Variants in RETREG1 observed in about 807,000 individuals in gnomAD.
RETREG1 encodes family with sequence similarity 134 member B.
RETREG1 carries 44 observed loss-of-function variants against 54.8 expected under a neutral mutation model. That is an observed-to-expected ratio of 0.80 (90% CI 0.63 to 1.03). The LOEUF (loss-of-function observed/expected upper bound fraction) is 1.03, where lower values mean the gene tolerates loss of function less well. RETREG1 is among the 50% of genes least tolerant of loss of function. The pLI, the probability that RETREG1 is intolerant of heterozygous loss-of-function variation, is 0.00. For missense variants in RETREG1, 554 were observed against 605.1 expected, an observed-to-expected ratio of 0.92 and a Z score of 0.89; for synonymous variants, 217 against 238.5, an observed-to-expected ratio of 0.91 and a Z score of 0.83.
chr5:16,592,717 T>TA (rs3993837), intron 1 of RETREG1, among the ~76,000 whole-genome samples: 3,598 of 149,254 alleles, frequency 0.024, 68 homozygotes, highest in Non-Finnish European at 0.036. Context: ...TATGCAGCCA[T>TA]AAAAAAAAAA....
intron 1 of RETREG1, among the ~76,000 whole-genome samples, chr5:16,579,131 A>C (rs1427619897): frequency 6.6e-6 from 1 of 152,228 alleles, no homozygotes; most frequent in Non-Finnish European, 1.5e-5. Flanking sequence ...CTGAGGCACA[A>C]GTTATGAATT....
At chr5:16,613,014 T>G (rs1228626557) in intron 1 of RETREG1, among the ~76,000 whole-genome samples, 1 of 152,228 alleles carries the variant, frequency 6.6e-6, no homozygotes, top group South Asian at 2.1e-4. Context: ...ATTTTCATTG[T>G]TATATGGTAT....
chr5:16,553,307 G>A (rs373521428), intron 3 of RETREG1, among the ~76,000 whole-genome samples: 6 of 127,290 alleles, frequency 4.7e-5, no homozygotes, highest in African/African-American at 1.9e-4. Context: ...CAACACAACT[G>A]ATCTTTTTAA....
intron 1 of RETREG1, among the ~76,000 whole-genome samples, chr5:16,615,664 G>C (rs958903635): frequency 6.6e-6 from 1 of 152,126 alleles, no homozygotes; most frequent in Non-Finnish European, 1.5e-5. Flanking sequence ...CTAGTTTTAA[G>C]AGAAAACACC....
chr5:16,521,512 T>C (rs1384348601), intron 3 of RETREG1, among the ~76,000 whole-genome samples: 1 of 152,212 alleles, frequency 6.6e-6, no homozygotes, highest in South Asian at 2.1e-4. Flanking sequence ...CAAATCATCA[T>C]AGCAGCAAAA....
intron 3 of RETREG1, among the ~76,000 whole-genome samples, chr5:16,504,076 C>T (rs191362563): frequency 6.6e-6 from 1 of 152,134 alleles, no homozygotes; most frequent in Non-Finnish European, 1.5e-5. Flanking sequence ...CCCCAACAGG[C>T]CCCAGTATTG....
chr5:16,508,201 A>G (rs971933117), intron 3 of RETREG1, among the ~76,000 whole-genome samples: 24 of 152,264 alleles, frequency 1.6e-4, no homozygotes, highest in African/African-American at 5.8e-4. Context: ...AATCTTTAAA[A>G]TGCAATAGGT....
chr5:16,475,259 A>T, intron 8 of RETREG1, 25 bp from the exon 9 acceptor site: 1 of 1,606,746 alleles, frequency 6.2e-7, no homozygotes, highest in Non-Finnish European at 8.5e-7. Flanking sequence ...ACAGAAGTTC[A>T]GACTGAAGCA....
chr5:16,564,838 C>T (rs189408284), intron 3 of RETREG1, among the ~76,000 whole-genome samples: 126 of 152,332 alleles, frequency 8.3e-4, no homozygotes, highest in African/African-American at 2.8e-3. Context: ...ACCTTTCCAG[C>T]TGAAATAAGC....
chr5:16,503,498 C>G (rs1365826948), intron 3 of RETREG1, among the ~76,000 whole-genome samples: 1 of 151,898 alleles, frequency 6.6e-6, no homozygotes, highest in Non-Finnish European at 1.5e-5. Flanking sequence ...GAAACCCCAT[C>G]TCTACTAAAA....
chr5:16,523,179 C>T (rs938340275), intron 3 of RETREG1, among the ~76,000 whole-genome samples: 5 of 152,168 alleles, frequency 3.3e-5, no homozygotes, highest in African/African-American at 1.2e-4. Context: ...TTTGTAGAAA[C>T]TACAACCCAT....
intron 3 of RETREG1, among the ~76,000 whole-genome samples, chr5:16,557,943 G>T (rs1209244336): frequency 1.3e-5 from 2 of 151,994 alleles, no homozygotes; most frequent in African/African-American, 2.4e-5. Flanking sequence ...TGAGGGGTCT[G>T]CCTTCATGAA....
chr5:16,539,488 G>A (rs1741176554), intron 3 of RETREG1, among the ~76,000 whole-genome samples: 1 of 152,140 alleles, frequency 6.6e-6, no homozygotes, highest in African/African-American at 2.4e-5. Context: ...GTCGGTCGGA[G>A]CGAGCCAGGA....
At chr5:16,533,290 G>A (rs1204794814) in intron 3 of RETREG1, among the ~76,000 whole-genome samples, 1 of 152,048 alleles carries the variant, frequency 6.6e-6, no homozygotes, top group African/African-American at 2.4e-5. Flanking sequence ...TGATCCACCC[G>A]CCTCGGCCTC....
At chr5:16,581,752 A>AAACT (rs1554023557) in intron 1 of RETREG1, among the ~76,000 whole-genome samples, 3 of 151,690 alleles carry the variant, frequency 2.0e-5, no homozygotes, top group African/African-American at 7.3e-5. Context: ...AAAGAAAAAA[A>AAACT]ACGATACATT....
chr5:16,516,555 A>G (rs555934813), intron 3 of RETREG1, among the ~76,000 whole-genome samples: 74 of 152,336 alleles, frequency 4.9e-4, no homozygotes, highest in African/African-American at 1.7e-3. Context: ...TTTCCCCCAA[A>G]CATTTCTGGT....
At chr5:16,538,972 G>C (rs934126013) in intron 3 of RETREG1, among the ~76,000 whole-genome samples, 1 of 152,300 alleles carries the variant, frequency 6.6e-6, no homozygotes, top group Non-Finnish European at 1.5e-5. Flanking sequence ...CCAGAGTGCT[G>C]GGATAAACAC....
intron 1 of RETREG1, among the ~76,000 whole-genome samples, chr5:16,613,455 C>A (rs917321007): frequency 1.3e-5 from 2 of 152,326 alleles, no homozygotes; most frequent in Middle Eastern, 3.4e-3. Flanking sequence ...AATGAATTAT[C>A]CTTTCCTGAA....
At chr5:16,502,761 C>A (rs142956889) in intron 3 of RETREG1, among the ~76,000 whole-genome samples, 2 of 152,174 alleles carry the variant, frequency 1.3e-5, no homozygotes, top group Admixed American at 6.5e-5. Context: ...TTTAAAGAGA[C>A]GTTGTTTTTA....
Sources: gnomAD v4.1 joint callset for allele counts (sites outside exome capture counted in the v4.1 genomes callset) on GRCh38, gnomAD v4.1.1 for gene constraint, MANE v1.5 for transcripts, NCBI Gene and HGNC (gene_info 2026-07-23, HGNC 2026-07-21) for gene names.